Variants in SP1 observed in about 807,000 individuals in gnomAD.
SP1 encodes the protein Sp1 transcription factor.
SP1 carries 6 observed loss-of-function variants against 66.3 expected under a neutral mutation model. The observed-to-expected ratio is 0.09, with a 90% confidence interval of 0.05 to 0.18. The LOEUF (loss-of-function observed/expected upper bound fraction) is 0.18, where lower values mean the gene tolerates loss of function less well. Among genes scored for constraint, SP1 ranks in the 10% least tolerant of loss-of-function variants. The pLI is 1.00. For missense variants in SP1, 848 were observed against 964.5 expected (o/e 0.88, Z 1.60); for synonymous variants, 417 against 360.8 (o/e 1.16, Z -1.77).
At chr12:53,392,094 G>A (rs1292865646) in intron 3 of SP1, among the ~76,000 whole-genome samples, 1 of 152,130 alleles carries the variant, frequency 6.6e-6, no homozygotes, top group East Asian at 1.9e-4. Flanking sequence ...TGACTTGTTT[G>A]ACAACTTTGG....
rs1938999975 is a variant in SP1, at chr12:53,416,387, AG to A, written c.*5148del. 7.8e-6 allele frequency: 1 copy of A among 127,900 alleles called. No homozygotes were observed. 7.9% of individuals were successfully genotyped at this position (127,900 alleles called of 1,614,324 possible). A position where few individuals can be genotyped will look rare whatever the true frequency, so the allele number is the denominator to read the frequency against. ...TTTTTTGGCCTTTTGTACAAAGATT[AG>A]TTTCAATGTAGTCTGTAGCCTCCTT... On this transcript the variant is annotated 3_prime_UTR_variant, in exon 6 of 6. Coordinates refer to ENST00000327443, the MANE Select transcript of SP1 (RefSeq NM_138473.3).
rs562490105 is a variant in SP1 at position 53,407,076 on chromosome 12, G to A, written c.1844+323G>A. ...CCTGACCTCGTGATCTGCCCGCCTC[G>A]GCCTCCTAAAGTGCTGGGATTACCA... On this transcript the variant is annotated intron_variant, in intron 4 of 5. Transcript: ENST00000327443. Among the ~76,000 whole-genome samples, 81 of 151,746 alleles carry A rather than the reference G, an allele frequency of 5.3e-4. 1 individual carries two copies. Among genetic ancestry groups the A allele is most frequent in the African/African-American group, 1.8e-3 (76 of 41,404 alleles).
chr12:53,386,932 C>T (rs1346361251), intron 3 of SP1, among the ~76,000 whole-genome samples: 1 of 146,040 alleles, frequency 6.8e-6, no homozygotes, highest in Admixed American at 6.8e-5. Context: ...CACCCAACTT[C>T]TAGGTTTGTT....
chr12:53,380,349 G>C (rs1938053605), intron 1 of SP1, 51 bp downstream of exon 1: 3 of 1,423,128 alleles, frequency 2.1e-6, no homozygotes, highest in Non-Finnish European at 1.9e-6. Context: ...GTGAGGGGGC[G>C]CGCGCGAGGG....
chr12:53,382,428 C>G lies in SP1; in HGVS notation c.481C>G (p.Leu161Val). ...TCCCAACTTACAGAACCAGCAAGTT[C>G]TGACAGGACTACCTGGAGTGATGCC... Reference protein sequence around the residue: ...AAPNLQNQQVLTGLPGVMPNI... With the variant: ...AAPNLQNQQVVTGLPGVMPNI... Residue 161 changes from leucine (L) to valine (V), a missense_variant, in exon 3 of 6, where the codon CTG becomes GTG. This residue lies in a region of SP1 where 606 missense variants were observed against 589.9 expected (regional missense o/e 1.03). Transcript: ENST00000327443. 1 of 1,614,190 alleles carries G rather than the reference C, an allele frequency of 6.2e-7. No homozygotes were observed. Among genetic ancestry groups the G allele is most frequent in the Non-Finnish European group, 8.5e-7 (1 of 1,180,032 alleles).
chr12:53,381,950 C>T (rs1052045895), intron 2 of SP1, 137 bp downstream of exon 2: 2 of 1,201,386 alleles, frequency 1.7e-6, no homozygotes, highest in Non-Finnish European at 2.3e-6. Context: ...AATGGAGATC[C>T]CCAAAGACAA....
intron 3 of SP1, among the ~76,000 whole-genome samples, chr12:53,390,869 C>G (rs556908780): frequency 1.3e-5 from 2 of 152,254 alleles, no homozygotes; most frequent in Admixed American, 1.3e-4. Flanking sequence ...ACAAGAGTGC[C>G]TTCTGTTTCA....
chr12:53,399,540 C>T (rs1304884361), intron 3 of SP1, among the ~76,000 whole-genome samples: 1 of 152,144 alleles, frequency 6.6e-6, no homozygotes, highest in African/African-American at 2.4e-5. Context: ...CCCATGTTAG[C>T]CAGAATGGTC....
rs1938933334 is a variant in SP1, at chr12:53,413,293, T to G, written c.*2053T>G. 1 of 152,262 alleles carries G rather than the reference T, an allele frequency of 6.6e-6. No homozygotes were observed. Among genetic ancestry groups the G allele is most frequent in the South Asian group, 2.1e-4 (1 of 4,834 alleles). 9.4% of individuals were successfully genotyped at this position (152,262 alleles called of 1,614,324 possible). ...ACTGTACTTTTTTAAAAAGAAACTA[T>G]TTTTGTGTTTGAAAGTGAAACCAAC... On this transcript the variant is annotated 3_prime_UTR_variant, in exon 6 of 6. Coordinates refer to ENST00000327443, the MANE Select transcript of SP1 (RefSeq NM_138473.3).
At chr12:53,380,733 C>T in intron 1 of SP1, 1 of 755,344 alleles carries the variant, frequency 1.3e-6, no homozygotes, top group South Asian at 6.1e-5. Context: ...CGTAGATTTC[C>T]CTTCCCCCCC....
chr12:53,401,456 G>GGA (rs1565814963), intron 3 of SP1, among the ~76,000 whole-genome samples: 1 of 128,236 alleles, frequency 7.8e-6, no homozygotes, highest in Non-Finnish European at 1.6e-5. Flanking sequence ...CATCTATCTG[G>GGA]GAAAAAAAAA....
intron 5 of SP1, among the ~76,000 whole-genome samples, chr12:53,410,093 G>A (rs1029311462): frequency 6.6e-6 from 1 of 151,898 alleles, no homozygotes; most frequent in African/African-American, 2.4e-5. Context: ...GATTTCTTGA[G>A]GTCAGGAGTT....
intron 3 of SP1, among the ~76,000 whole-genome samples, chr12:53,391,292 C>T (rs1484899496): frequency 1.4e-5 from 2 of 143,314 alleles, no homozygotes; most frequent in Non-Finnish European, 3.0e-5. Context: ...CTGTGTTAGA[C>T]TTTAAGAATT....
At chr12:53,401,573 A>G (rs1313746255) in intron 3 of SP1, among the ~76,000 whole-genome samples, 6 of 152,004 alleles carry the variant, frequency 3.9e-5, no homozygotes, top group Non-Finnish European at 8.8e-5. Context: ...AAATTTTGAT[A>G]TGTTCATCAT....
chr12:53,414,031 A>G lies in SP1; in HGVS notation c.*2791A>G, dbSNP rs1163229579. On this transcript the variant is annotated 3_prime_UTR_variant, in exon 6 of 6. Coordinates refer to ENST00000327443, the MANE Select transcript of SP1 (RefSeq NM_138473.3). ...TTTTGTCTCCCAGCAGTAGTGAGCCACTCAGTCTCTTCCACAGGAAGTTTG... is the reference window on the plus strand; with the variant it reads ...TTTTGTCTCCCAGCAGTAGTGAGCCGCTCAGTCTCTTCCACAGGAAGTTTG... The G allele has an allele frequency of 6.6e-6, 1 of 152,178 alleles. No individual in the cohort carries two copies. The highest frequency in any genetic ancestry group is 1.5e-5 in the Non-Finnish European group (1 of 68,040). The allele number at this position is 152,178 out of a possible 1,614,324, so 9.4% of individuals were successfully genotyped here.
chr12:53,384,724 C>T (rs942978761), intron 3 of SP1, among the ~76,000 whole-genome samples: 2 of 151,964 alleles, frequency 1.3e-5, no homozygotes, highest in Non-Finnish European at 2.9e-5. Flanking sequence ...TGGTGGCTCA[C>T]GCCTGTAATG....
At chr12:53,410,094 G>T (rs1938844940) in intron 5 of SP1, among the ~76,000 whole-genome samples, 1 of 151,960 alleles carries the variant, frequency 6.6e-6, no homozygotes, top group Non-Finnish European at 1.5e-5. Context: ...ATTTCTTGAG[G>T]TCAGGAGTTC....
chr12:53,401,315 G>A (rs1938605290), intron 3 of SP1, among the ~76,000 whole-genome samples: 1 of 151,748 alleles, frequency 6.6e-6, no homozygotes, highest in African/African-American at 2.4e-5. Flanking sequence ...GCCGGGCATG[G>A]TGGTGGGCGC....
intron 3 of SP1, among the ~76,000 whole-genome samples, chr12:53,387,665 G>A (rs1938261146): frequency 6.6e-6 from 1 of 152,126 alleles, no homozygotes; most frequent in Admixed American, 6.6e-5. Flanking sequence ...GTTTTAACTA[G>A]GGACTTGAAC....
Sources: gnomAD v4.1 joint callset for allele counts (sites outside exome capture counted in the v4.1 genomes callset) on GRCh38, gnomAD v4.1.1 for gene constraint, gnomAD v4.1.1 regional missense constraint, MANE v1.5 for transcripts, NCBI Gene and HGNC (gene_info 2026-07-23, HGNC 2026-07-21) for gene names.